The following SLC39A11 variants were observed in gnomAD, a reference collection of about 807,000 sequenced individuals.
The protein encoded by SLC39A11 is zinc transporter ZIP11.
Under a neutral mutation model 36.1 loss-of-function variants are expected in SLC39A11, and 33 were observed. The observed-to-expected ratio is 0.91, with a 90% CI of 0.69 to 1.22. SLC39A11 has a LOEUF of 1.22. Among genes scored for constraint, SLC39A11 ranks in the 50% most tolerant of loss-of-function variants. The pLI is 0.00. For synonymous variants in SLC39A11, 166 were observed against 170.3 expected, an observed-to-expected ratio of 0.97 and a Z score of 0.20; for missense variants, 432 against 430.3, an observed-to-expected ratio of 1.00 and a Z score of -0.03.
chr17:72,786,242 A>G (rs2076511179), intron 6 of SLC39A11, among the ~76,000 whole-genome samples: 2 of 152,238 alleles, frequency 1.3e-5, no homozygotes. Context: ...ACTTCTGTGA[A>G]GAATTTAAGT....
intron 6 of SLC39A11, among the ~76,000 whole-genome samples, chr17:72,791,460 C>A (rs1209293510): frequency 2.0e-5 from 3 of 152,114 alleles, no homozygotes; most frequent in Admixed American, 1.3e-4. Flanking sequence ...TCAAAACAAA[C>A]AAACAAAGGA....
rs141276340 is a variant in SLC39A11 at position 72,716,226 on chromosome 17, A to G, written c.671+20424T>C. Among the ~76,000 whole-genome samples, 291 of 152,220 alleles carry G rather than the reference A, an allele frequency of 1.9e-3. 9 individuals are homozygous for G. The East Asian group carries it at 0.05, about 26-fold the overall frequency. On this transcript the variant is annotated intron_variant, in intron 7 of 9. Transcript: ENST00000255559. ...TAGGGCCCCCAGCACTCCATTCTGG[A>G]CAGAATGAAAACCTGACGACCTATC... is the stretch of plus-strand genomic sequence containing the variant.
At chr17:72,690,414 T>C (rs1311746515) in intron 7 of SLC39A11, among the ~76,000 whole-genome samples, 1 of 151,994 alleles carries the variant, frequency 6.6e-6, no homozygotes, top group East Asian at 1.9e-4. Context: ...GTGCTGGGGG[T>C]ACTCACACGG....
chr17:72,854,224 C>A (rs1466233454), intron 5 of SLC39A11, among the ~76,000 whole-genome samples: 1 of 151,478 alleles, frequency 6.6e-6, no homozygotes, highest in Non-Finnish European at 1.5e-5. Context: ...CACAGCCAGT[C>A]TGCAGTGGAC....
intron 6 of SLC39A11, among the ~76,000 whole-genome samples, chr17:72,847,948 A>G (rs2079126238): frequency 6.6e-6 from 1 of 152,216 alleles, no homozygotes; most frequent in East Asian, 1.9e-4. Flanking sequence ...GTATCACCCA[A>G]GGATGCTCCC....
intron 3 of SLC39A11, among the ~76,000 whole-genome samples, chr17:73,057,735 C>T (rs914303187): frequency 1.3e-5 from 2 of 152,108 alleles, no homozygotes; most frequent in East Asian, 3.9e-4. Context: ...GTCAGGAGTA[C>T]GAGACCAGCC....
intron 5 of SLC39A11, among the ~76,000 whole-genome samples, chr17:72,922,881 T>A (rs1423633738): frequency 3.5e-5 from 5 of 143,620 alleles, no homozygotes; most frequent in Non-Finnish European, 6.0e-5. Context: ...GGCACGAGAA[T>A]TCCTTGAACC....
At chr17:72,665,802 T>TCTTTTCTCTCTCTTC (rs1273127505) in intron 7 of SLC39A11, among the ~76,000 whole-genome samples, 2 of 152,204 alleles carry the variant, frequency 1.3e-5, no homozygotes, top group Non-Finnish European at 2.9e-5. Flanking sequence ...TCTTTCTCTT[T>TCTTTTCTCTCTCTTC]CTTTTCTCTC....
chr17:72,695,903 C>A (rs1320329139), intron 7 of SLC39A11, among the ~76,000 whole-genome samples: 1 of 152,142 alleles, frequency 6.6e-6, no homozygotes, highest in African/African-American at 2.4e-5. Flanking sequence ...TCTGCTGGCA[C>A]CTTGATTTCC....
intron 4 of SLC39A11, 74 bp from the exon 5 acceptor site, chr17:72,947,949 C>A (rs1352512355): frequency 6.3e-7 from 1 of 1,577,590 alleles, no homozygotes; most frequent in Non-Finnish European, 8.6e-7. Context: ...GGCTCACGGG[C>A]GCCAAGGCAA....
chr17:72,672,418 C>A (rs1459124816), intron 7 of SLC39A11, among the ~76,000 whole-genome samples: 1 of 152,206 alleles, frequency 6.6e-6, no homozygotes, highest in Non-Finnish European at 1.5e-5. Flanking sequence ...CACTGCCCTC[C>A]AGCCTGGGTG....
intron 5 of SLC39A11, among the ~76,000 whole-genome samples, chr17:72,882,794 C>CTTTTTTTTTTTTT (rs2081258875): frequency 1.5e-5 from 1 of 66,498 alleles, no homozygotes; most frequent in Admixed American, 1.5e-4. Flanking sequence ...AGAGAGAATG[C>CTTTTTTTTTTTTT]TTCTTTTTTT....
chr17:72,946,187 G>A (rs557002776), intron 5 of SLC39A11, among the ~76,000 whole-genome samples: 13 of 152,196 alleles, frequency 8.5e-5, no homozygotes, highest in Non-Finnish European at 1.8e-4. Context: ...AAGAGAAGAT[G>A]ATACCTAAAG....
At chr17:72,671,691 A>G (rs2071027284) in intron 7 of SLC39A11, among the ~76,000 whole-genome samples, 1 of 151,882 alleles carries the variant, frequency 6.6e-6, no homozygotes, top group South Asian at 2.1e-4. Context: ...ACTGCACTCC[A>G]GCCTGGGCAG....
chr17:72,858,124 C>G (rs1458906268), intron 5 of SLC39A11, among the ~76,000 whole-genome samples: 1 of 152,128 alleles, frequency 6.6e-6, no homozygotes, highest in Non-Finnish European at 1.5e-5. Flanking sequence ...AGACTTAAGT[C>G]TTGAATCCAT....
chr17:72,804,835 C>A (rs2077199987), intron 6 of SLC39A11, among the ~76,000 whole-genome samples: 1 of 152,164 alleles, frequency 6.6e-6, no homozygotes, highest in South Asian at 2.1e-4. Context: ...TCCTGGCCAA[C>A]ATGGTGAAAC....
rs552365795 is a variant in SLC39A11, at chr17:73,029,176, C to T, written c.306+2380G>A. Among the ~76,000 whole-genome samples the T allele has an allele frequency of 2.6e-3, 394 of 152,058 alleles. 7 individuals carry two copies. The South Asian group carries it at 0.035, about 14-fold the overall frequency. On this transcript the variant is annotated intron_variant, in intron 4 of 9. Coordinates refer to ENST00000255559, the MANE Select transcript of SLC39A11 (RefSeq NM_139177.4). ...CAAATTAGCCAATGACTGTTTACAC[C>T]GCCCAGAGAAAATCCCTACATTCAG...
chr17:72,962,620 T>A lies in SLC39A11; in HGVS notation c.307-14745A>T, dbSNP rs554504032. ...GGCCCGACCTTGGCTCACTGTAACCTCTGCCTCCCGAGTTCATGCAATTCT... is the reference window on the plus strand; with the variant it reads ...GGCCCGACCTTGGCTCACTGTAACCACTGCCTCCCGAGTTCATGCAATTCT... On this transcript the variant is annotated intron_variant, in intron 4 of 9. Coordinates refer to ENST00000255559, the MANE Select transcript of SLC39A11 (RefSeq NM_139177.4). Among the ~76,000 whole-genome samples, 9 of 152,194 alleles carry A rather than the reference T, an allele frequency of 5.9e-5. No individual in the cohort carries two copies. In the South Asian group the frequency reaches 1.9e-3, roughly 32 times the overall value.
chr17:72,810,973 C>T (rs529890169), intron 6 of SLC39A11, among the ~76,000 whole-genome samples: 3 of 151,898 alleles, frequency 2.0e-5, no homozygotes, highest in South Asian at 2.1e-4. Flanking sequence ...GGATTACAGG[C>T]GTGAGCCACC....
Sources: allele counts gnomAD v4.1 joint callset (sites outside exome capture counted in the v4.1 genomes callset), GRCh38; gene constraint gnomAD v4.1.1; transcripts MANE v1.5; gene names NCBI Gene and HGNC (gene_info 2026-07-23, HGNC 2026-07-21).